The following SHROOM3 variants were observed in gnomAD, a reference collection of about 807,000 sequenced individuals.
The protein encoded by SHROOM3 is protein Shroom3.
Under a neutral mutation model 138.6 loss-of-function variants are expected in SHROOM3, and 47 were observed. The ratio of observed to expected loss-of-function variants is 0.34; its 90% confidence interval spans 0.27 to 0.43. The LOEUF (loss-of-function observed/expected upper bound fraction) is 0.43, where lower values mean the gene tolerates loss of function less well. SHROOM3 is among the 20% of genes least tolerant of loss of function. The probability of loss-of-function intolerance (pLI) is 1.00; values close to 1 mark genes in which losing one functional copy is unlikely to be tolerated. For missense variants in SHROOM3, 2,491 were observed against 2,596.5 expected, an observed-to-expected ratio of 0.96 and a Z score of 0.88; for synonymous variants, 1,062 against 1,063.3, an observed-to-expected ratio of 1.00 and a Z score of 0.02.
chr4:76,612,288 G>C (rs1298940439), intron 2 of SHROOM3, among the ~76,000 whole-genome samples: 1 of 152,174 alleles, frequency 6.6e-6, no homozygotes, highest in Non-Finnish European at 1.5e-5. Context: ...GTTGGAAGAT[G>C]ATATTAGTTA....
chr4:76,578,928 G>A (rs1457803857), intron 2 of SHROOM3, among the ~76,000 whole-genome samples: 1 of 152,130 alleles, frequency 6.6e-6, no homozygotes, highest in African/African-American at 2.4e-5. Flanking sequence ...TGGGCATGGC[G>A]GCTCATGCCT....
rs774157776 is a variant in SHROOM3, at chr4:76,783,027, A to G, written c.*3850A>G. On this transcript the variant is annotated 3_prime_UTR_variant, in exon 11 of 11. Coordinates refer to ENST00000296043, the MANE Select transcript of SHROOM3 (RefSeq NM_020859.4). ...CTTGGAATGCTTGTTAAAAATACCA[A>G]TTGCTATGACAAAACCAAGTCTGCT... 1.3e-5 allele frequency: 2 copies of G among 152,164 alleles called. No homozygotes were observed. Among genetic ancestry groups the G allele is most frequent in the Non-Finnish European group, 2.9e-5 (2 of 68,024 alleles). 9.4% of individuals were successfully genotyped at this position (152,164 alleles called of 1,614,324 possible). A position where few individuals can be genotyped will look rare whatever the true frequency, so the allele number is the denominator to read the frequency against.
chr4:76,762,872 TCAAGA>T (rs2110149837), intron 9 of SHROOM3, among the ~76,000 whole-genome samples: 1 of 152,188 alleles, frequency 6.6e-6, no homozygotes, highest in African/African-American at 2.4e-5. Context: ...AGTTCCTGAC[TCAAGA>T]GAGTAGAGTC....
chr4:76,640,695 T>C (rs1328545410), intron 2 of SHROOM3, among the ~76,000 whole-genome samples: 2 of 152,244 alleles, frequency 1.3e-5, no homozygotes, highest in Non-Finnish European at 2.9e-5. Flanking sequence ...ATCATTGCCG[T>C]TCTACAGATG....
chr4:76,676,881 T>C (rs1003927761), intron 2 of SHROOM3, among the ~76,000 whole-genome samples: 1 of 143,508 alleles, frequency 7.0e-6, no homozygotes, highest in Non-Finnish European at 1.5e-5. Context: ...AGGCGGAGCT[T>C]GCAGTGAGCA....
At chr4:76,547,719 C>A (rs1264878150) in intron 1 of SHROOM3, among the ~76,000 whole-genome samples, 1 of 152,062 alleles carries the variant, frequency 6.6e-6, no homozygotes, top group Admixed American at 6.6e-5. Flanking sequence ...CACTTGAGGT[C>A]AGAAGTTCGA....
chr4:76,636,091 G>A (rs1363029758), intron 2 of SHROOM3, among the ~76,000 whole-genome samples: 5 of 152,294 alleles, frequency 3.3e-5, no homozygotes, highest in South Asian at 2.1e-4. Flanking sequence ...GCTTCTTCAC[G>A]TCTGAGTACC....
At chr4:76,568,038 A>G (rs1419365246) in intron 2 of SHROOM3, among the ~76,000 whole-genome samples, 1 of 151,846 alleles carries the variant, frequency 6.6e-6, no homozygotes, top group Non-Finnish European at 1.5e-5. Context: ...GTATCCTCAC[A>G]CCCTTCTAAT....
At chr4:76,572,979 G>A (rs562188584) in intron 2 of SHROOM3, among the ~76,000 whole-genome samples, 1 of 152,122 alleles carries the variant, frequency 6.6e-6, no homozygotes, top group East Asian at 1.9e-4. Context: ...CTGCTTGGGA[G>A]GCTGAGGCAG....
rs1468021870 is a variant in SHROOM3 at position 76,740,541 on chromosome 4, C to G, written c.2368C>G (p.Gln790Glu). The G allele has an allele frequency of 6.2e-7, 1 of 1,614,134 alleles. No individual in the cohort carries two copies. Among genetic ancestry groups the G allele is most frequent in the South Asian group, 1.1e-5 (1 of 91,086 alleles). Reference sequence around the variant, plus strand: ...GCTGGAGAAGGTCTCCAAATTCGAGCAGCGAGAGCAAGGGAGCCAGAGACC... The same window carrying G: ...GCTGGAGAAGGTCTCCAAATTCGAGGAGCGAGAGCAAGGGAGCCAGAGACC... ...SVLEKVSKFE[Q>E]REQGSQRPSV... is the part of the protein sequence containing the mutation. The change falls in exon 5 of 11, where the codon CAG (glutamine) becomes GAG (glutamate). Residue 790 changes from glutamine (Q) to glutamate (E), a missense_variant. By Grantham distance (29) the Gln-to-Glu change is conservative (BLOSUM62 2). Around this residue, in one of 4 missense-constraint regions of SHROOM3, gnomAD observed 1,733 missense variants for 1,661.6 expected, o/e 1.04. Transcript: ENST00000296043. The surrounding 1 kb of genome is among the most constrained non-coding windows in gnomAD (Gnocchi z 4.0).
chr4:76,742,198 A>C, intron 5 of SHROOM3: 1 of 508,326 alleles, frequency 2.0e-6, no homozygotes, highest in Non-Finnish European at 3.5e-6. Context: ...CCACCTCTCA[A>C]TGGAAAAATG....
chr4:76,726,949 G>T (rs1720722166), intron 3 of SHROOM3, among the ~76,000 whole-genome samples: 1 of 152,146 alleles, frequency 6.6e-6, no homozygotes, highest in Non-Finnish European at 1.5e-5. Context: ...ATACTGTTGG[G>T]TGATGATGCC....
chr4:76,514,871 T>C (rs1163314136), intron 1 of SHROOM3, among the ~76,000 whole-genome samples: 1 of 152,076 alleles, frequency 6.6e-6, no homozygotes, highest in African/African-American at 2.4e-5. Flanking sequence ...TCCCAGCACA[T>C]TGTAAGGCCA....
chr4:76,717,569 GT>G (rs773072966), intron 3 of SHROOM3, among the ~76,000 whole-genome samples: 1 of 151,862 alleles, frequency 6.6e-6, no homozygotes, highest in Non-Finnish European at 1.5e-5. Context: ...AGTTTTGAAG[GT>G]TTTTTATTCA....
Position 76,741,285 on chromosome 4 carries a change from G to C in SHROOM3, c.3112G>C (p.Ala1038Pro). 6.2e-7 allele frequency: 1 copy of C among 1,612,012 alleles called. No homozygotes were observed. Among genetic ancestry groups the C allele is most frequent in the Non-Finnish European group, 8.5e-7 (1 of 1,179,658 alleles). The change falls in exon 5 of 11, where the codon GCA (alanine) becomes CCA (proline). Residue 1038 changes from alanine (A) to proline (P), a missense_variant. Transcript: ENST00000296043. The surrounding 1 kb of genome is among the most constrained non-coding windows in gnomAD (Gnocchi z 6.2). ...GGGGATCGTGGAGGAGGCCGAACCG[G>C]CACCCCTGGGCCCGCAGAGAAATGG... Reference protein sequence around the residue: ...EVGIVEEAEPAPLGPQRNGMR... With the variant: ...EVGIVEEAEPPPLGPQRNGMR...
intron 1 of SHROOM3, among the ~76,000 whole-genome samples, chr4:76,553,364 C>T (rs1045161538): frequency 2.0e-5 from 3 of 152,298 alleles, no homozygotes; most frequent in African/African-American, 7.2e-5. Flanking sequence ...CAACCTCCAC[C>T]TCCCAGGTTC....
At chr4:76,589,434 T>A (rs1734218484) in intron 2 of SHROOM3, among the ~76,000 whole-genome samples, 1 of 148,318 alleles carries the variant, frequency 6.7e-6, no homozygotes, top group African/African-American at 2.5e-5. Context: ...GCTATTGCAC[T>A]CCAGCCTGGG....
chr4:76,592,012 T>C (rs1006513467), intron 2 of SHROOM3, among the ~76,000 whole-genome samples: 26 of 152,184 alleles, frequency 1.7e-4, no homozygotes, highest in Non-Finnish European at 3.7e-4. Flanking sequence ...GGAAAATACA[T>C]AAAGCAGAGA....
In SHROOM3 at chr4:76,710,195, C is replaced by G; in HGVS notation, c.363C>G (p.Ala121=). ...ACCCAGGCCATGCAGATACTGGTGCCTCTAACTTCGTCAGCCCAGAACACC... is the reference window on the plus strand; with the variant it reads ...ACCCAGGCCATGCAGATACTGGTGCGTCTAACTTCGTCAGCCCAGAACACC... ...CTDPGHADTG[A]SNFVSPEHLT... is the part of the protein sequence containing the mutation. The change falls in exon 3 of 11, where the codon GCC becomes GCG. Residue 121 remains alanine (A), a synonymous_variant. Transcript: ENST00000296043. 1 of 1,614,162 alleles carries G rather than the reference C, an allele frequency of 6.2e-7. No homozygotes were observed. The highest frequency in any genetic ancestry group is 1.3e-5 in the African/African-American group (1 of 75,058).
Sources: allele counts gnomAD v4.1 joint callset (sites outside exome capture counted in the v4.1 genomes callset), GRCh38; gene constraint gnomAD v4.1.1; regional missense constraint gnomAD v4.1.1; non-coding constraint Gnocchi (gnomAD v3.1); transcripts MANE v1.5; gene names NCBI Gene and HGNC (gene_info 2026-07-23, HGNC 2026-07-21).